The following TMEM132D variants were observed in gnomAD, a reference collection of about 807,000 sequenced individuals.
TMEM132D encodes the protein mature OL transmembrane protein.
TMEM132D carries 21 observed loss-of-function variants against 62.3 expected under a neutral mutation model. That is an observed-to-expected ratio of 0.34 (90% CI 0.24 to 0.49). TMEM132D has a LOEUF of 0.49. Ranked by LOEUF, TMEM132D falls within the 20% of genes least tolerant of loss-of-function variation. TMEM132D has a pLI of 0.99. For synonymous variants in TMEM132D, 621 were observed against 575.6 expected (o/e 1.08, Z -1.13); for missense variants, 1,346 against 1,402.8 (o/e 0.96, Z 0.65).
intron 2 of TMEM132D, among the ~76,000 whole-genome samples, chr12:129,636,563 C>T (rs140725732): frequency 1.3e-5 from 2 of 152,264 alleles, no homozygotes; most frequent in Non-Finnish European, 2.9e-5. Flanking sequence ...AGAAGGGATT[C>T]ATTCAGTCAG....
intron 1 of TMEM132D, among the ~76,000 whole-genome samples, chr12:129,803,891 A>G: frequency 7.0e-6 from 1 of 143,136 alleles, no homozygotes; most frequent in Non-Finnish European, 1.5e-5. Flanking sequence ...ACAAACTACC[A>G]TCAGAGAATA....
intron 4 of TMEM132D, among the ~76,000 whole-genome samples, chr12:129,241,848 A>G (rs1414259817): frequency 6.6e-6 from 1 of 152,238 alleles, no homozygotes; most frequent in Non-Finnish European, 1.5e-5. Flanking sequence ...AGAGGAGATT[A>G]TCAAAAATAC....
chr12:129,480,873 G>T (rs2137053233), intron 3 of TMEM132D, among the ~76,000 whole-genome samples: 1 of 152,346 alleles, frequency 6.6e-6, no homozygotes, highest in South Asian at 2.1e-4. Flanking sequence ...CAGAGGACCA[G>T]AGGGCACATG....
chr12:129,566,007 T>C (rs1482001664), intron 2 of TMEM132D, among the ~76,000 whole-genome samples: 1 of 152,242 alleles, frequency 6.6e-6, no homozygotes, highest in Non-Finnish European at 1.5e-5. Context: ...AAAATGCGTA[T>C]AGCACTATAC....
intron 2 of TMEM132D, among the ~76,000 whole-genome samples, chr12:129,550,004 T>C (rs1183058184): frequency 6.6e-6 from 1 of 152,178 alleles, no homozygotes; most frequent in Non-Finnish European, 1.5e-5. Context: ...GAAAACCTTC[T>C]CTGGCTCTCT....
At chr12:129,746,174 C>T (rs1486539827) in intron 1 of TMEM132D, among the ~76,000 whole-genome samples, 2 of 152,158 alleles carry the variant, frequency 1.3e-5, no homozygotes, top group African/African-American at 4.8e-5. Context: ...TGAGAGAGAG[C>T]CAGTGCAAAG....
chr12:129,756,618 C>T (rs141753532), intron 1 of TMEM132D, among the ~76,000 whole-genome samples: 28 of 152,218 alleles, frequency 1.8e-4, no homozygotes, highest in Middle Eastern at 6.8e-3. Flanking sequence ...GGCTGCACAA[C>T]GTATGTGAAC....
At chr12:129,247,320 C>T (rs1297745154) in intron 4 of TMEM132D, among the ~76,000 whole-genome samples, 15 of 152,100 alleles carry the variant, frequency 9.9e-5, no homozygotes, top group African/African-American at 2.4e-4. Flanking sequence ...GTGAGTGTCA[C>T]GATCTGGTTC....
Position 129,101,941 on chromosome 12 carries a change from C to T in TMEM132D, c.1444-17239G>A, listed in dbSNP as rs186075722. Among the ~76,000 whole-genome samples the T allele has an allele frequency of 3.6e-3, 540 of 151,746 alleles. 4 individuals carry two copies. The highest frequency in any genetic ancestry group is 5.2e-3 in the Non-Finnish European group (356 of 67,978). On this transcript the variant is annotated intron_variant, in intron 5 of 8. Transcript: ENST00000422113. ...TTGGACTCCATGATTCATAATCCCC[C>T]GCTTCTCTGTGTAGATGATCAAATT...
At chr12:129,367,297 T>C (rs1870445857) in intron 3 of TMEM132D, among the ~76,000 whole-genome samples, 1 of 152,216 alleles carries the variant, frequency 6.6e-6, no homozygotes, top group Non-Finnish European at 1.5e-5. Flanking sequence ...TACTTACCAC[T>C]TTCAGGTGGC....
intron 6 of TMEM132D, among the ~76,000 whole-genome samples, chr12:129,082,486 C>T (rs1874486024): frequency 6.6e-6 from 1 of 152,180 alleles, no homozygotes; most frequent in Non-Finnish European, 1.5e-5. Flanking sequence ...TGCTGTGAGC[C>T]AAGCTGTAGA....
intron 1 of TMEM132D, among the ~76,000 whole-genome samples, chr12:129,733,870 C>T (rs887205058): frequency 2.0e-5 from 3 of 152,138 alleles, no homozygotes; most frequent in South Asian, 2.1e-4. Context: ...TCAGATGTGC[C>T]GCATGAGGCA....
chr12:129,571,162 T>A (rs1877501845), intron 2 of TMEM132D, among the ~76,000 whole-genome samples: 1 of 152,236 alleles, frequency 6.6e-6, no homozygotes. Flanking sequence ...CGTCCCTGGA[T>A]GGACACTGTT....
At chr12:129,653,288 C>T (rs1282677780) in intron 2 of TMEM132D, among the ~76,000 whole-genome samples, 1 of 152,172 alleles carries the variant, frequency 6.6e-6, no homozygotes, top group Non-Finnish European at 1.5e-5. Flanking sequence ...GCCAGGTCAA[C>T]ATCATCATCA....
At chr12:129,132,314 T>A (rs1249688398) in intron 5 of TMEM132D, among the ~76,000 whole-genome samples, 2 of 152,214 alleles carry the variant, frequency 1.3e-5, no homozygotes, top group African/African-American at 4.8e-5. Context: ...AATATGGTCC[T>A]TAGGCCTTGC....
chr12:129,479,018 C>T (rs1484044461), intron 3 of TMEM132D, among the ~76,000 whole-genome samples: 3 of 152,310 alleles, frequency 2.0e-5, no homozygotes, highest in African/African-American at 4.8e-5. Context: ...TGTTCTCTTA[C>T]GTTCTGCGTG....
chr12:129,087,893 G>A (rs34914020), intron 5 of TMEM132D, among the ~76,000 whole-genome samples: 7,431 of 94,470 alleles, frequency 0.079, 218 homozygotes, highest in Non-Finnish European at 0.095. Context: ...CCTGACCGGG[G>A]TGTCCTCCCT....
intron 3 of TMEM132D, among the ~76,000 whole-genome samples, chr12:129,418,924 A>T (rs1872212875): frequency 6.6e-6 from 1 of 152,112 alleles, no homozygotes; most frequent in African/African-American, 2.4e-5. Flanking sequence ...ATGCCGAGTG[A>T]CAATCAAGTG....
At chr12:129,401,756 C>T (rs78004840) in intron 3 of TMEM132D, among the ~76,000 whole-genome samples, 8,059 of 152,160 alleles carry the variant, frequency 0.053, 377 homozygotes, top group African/African-American at 0.12. Context: ...CCAGCCCTCT[C>T]GCTCCAGTCT....
Sources: allele counts gnomAD v4.1 joint callset (sites outside exome capture counted in the v4.1 genomes callset), GRCh38; gene constraint gnomAD v4.1.1; transcripts MANE v1.5; gene names NCBI Gene and HGNC (gene_info 2026-07-23, HGNC 2026-07-21).